Variants in LYSMD2 observed in about 807,000 individuals in gnomAD.
LYSMD2 encodes lysM and putative peptidoglycan-binding domain-containing protein 2.
LYSMD2 carries 6 observed loss-of-function variants against 17.7 expected under a neutral mutation model. The ratio of observed to expected loss-of-function variants is 0.34; its 90% confidence interval spans 0.19 to 0.67. LYSMD2 has a LOEUF of 0.67. LYSMD2 is among the 30% of genes least tolerant of loss of function. The pLI is 0.69. For missense variants in LYSMD2, 237 were observed against 286.7 expected (o/e 0.83, Z 1.25); for synonymous variants, 102 against 129.8 (o/e 0.79, Z 1.45).
chr15:51,737,253 CACCCGCAGTCCCA>C lies in LYSMD2; in HGVS notation c.273+84_273+96del. ...TGCGACTCCCCATCCCCCAAACCCC[CACCCGCAGTCCCA>C]CCCCCACCCCCACCGCACCCCGAGC... On this transcript the variant is annotated intron_variant, in intron 1 of 2. Transcript: ENST00000267838. This position sits in a 1 kb window ranked among gnomAD's most constrained non-coding sequence, Gnocchi z 4.2. The C allele has an allele frequency of 4.7e-5, 14 of 299,286 alleles. No individual in the cohort carries two copies. Among genetic ancestry groups the C allele is most frequent in the Non-Finnish European group, 8.0e-5 (14 of 175,286 alleles). The allele number at this position is 299,286 out of a possible 1,614,324, so 18.5% of individuals were successfully genotyped here. A position where few individuals can be genotyped will look rare whatever the true frequency, so the allele number is the denominator to read the frequency against.
chr15:51,748,713 A>C (rs2055681659), intron 1 of LYSMD2, among the ~76,000 whole-genome samples: 1 of 152,104 alleles, frequency 6.6e-6, no homozygotes, highest in South Asian at 2.1e-4. Flanking sequence ...TCACATGTCC[A>C]CTCCTAAACT....
At chr15:51,746,815 A>G (rs991884609) in intron 1 of LYSMD2, among the ~76,000 whole-genome samples, 6 of 152,072 alleles carry the variant, frequency 3.9e-5, no homozygotes, top group African/African-American at 1.4e-4. Flanking sequence ...TAATCAGTTT[A>G]TCGCTCCAAA....
At chr15:51,724,763 T>C (rs755589031) in intron 2 of LYSMD2, 27 bp downstream of exon 2, 14 of 1,543,862 alleles carry the variant, frequency 9.1e-6, no homozygotes, top group Non-Finnish European at 1.1e-5. Flanking sequence ...TATTTAGACT[T>C]TGACATTTGT....
rs182192794 is a variant in LYSMD2, at chr15:51,728,079, A to C, written c.274-2958T>G. On this transcript the variant is annotated intron_variant, in intron 1 of 2. Coordinates refer to ENST00000267838, the MANE Select transcript of LYSMD2 (RefSeq NM_153374.3). ...GTTTACTTATCAGTAAAGTAAGGATAGTAACAGTTCCTTCCTCTCCATATA... is the reference window on the plus strand; with the variant it reads ...GTTTACTTATCAGTAAAGTAAGGATCGTAACAGTTCCTTCCTCTCCATATA... Among the ~76,000 whole-genome samples, 31 of 152,318 alleles carry C rather than the reference A, an allele frequency of 2.0e-4. No individual in the cohort carries two copies. In the East Asian group the frequency reaches 5.8e-3, roughly 28 times the overall value.
At chr15:51,732,355 C>A (rs559612225) in intron 1 of LYSMD2, among the ~76,000 whole-genome samples, 11 of 152,162 alleles carry the variant, frequency 7.2e-5, no homozygotes, top group Non-Finnish European at 1.6e-4. Context: ...ACAGAAGATA[C>A]AAACATCAAT....
chr15:51,725,175 G>C, intron 1 of LYSMD2, 54 bp from the exon 2 acceptor site: 1 of 1,125,106 alleles, frequency 8.9e-7, no homozygotes, highest in South Asian at 1.5e-5. Context: ...CAAGGAGTAA[G>C]ATTTATTATA....
At chr15:51,736,731 T>C (rs1190831270) in intron 1 of LYSMD2, among the ~76,000 whole-genome samples, 2 of 144,226 alleles carry the variant, frequency 1.4e-5, no homozygotes, top group African/African-American at 2.6e-5. Flanking sequence ...ACTTATAAAT[T>C]TGTAATAAAC....
At chr15:51,731,750 G>A (rs2055578465) in intron 1 of LYSMD2, among the ~76,000 whole-genome samples, 1 of 152,150 alleles carries the variant, frequency 6.6e-6, no homozygotes, top group Non-Finnish European at 1.5e-5. Context: ...GGTTTCTCCA[G>A]GGTTTCTGCA....
At chr15:51,744,804 A>G (rs966039645) in intron 1 of LYSMD2, among the ~76,000 whole-genome samples, 2 of 152,172 alleles carry the variant, frequency 1.3e-5, no homozygotes, top group Non-Finnish European at 2.9e-5. Flanking sequence ...TAGAAAAACA[A>G]TCAAGGAAGT....
At chr15:51,734,405 C>G (rs1006831784) in intron 1 of LYSMD2, among the ~76,000 whole-genome samples, 2 of 152,200 alleles carry the variant, frequency 1.3e-5, no homozygotes, top group African/African-American at 4.8e-5. Flanking sequence ...TGGCTCCCAG[C>G]TTGTTACCCT....
At chr15:51,729,587 T>C (rs991016732) in intron 1 of LYSMD2, among the ~76,000 whole-genome samples, 1 of 152,210 alleles carries the variant, frequency 6.6e-6, no homozygotes, top group Non-Finnish European at 1.5e-5. Context: ...GCCTCCCAAG[T>C]AGCTGGGATT....
At chr15:51,733,499 C>T (rs1283321294) in intron 1 of LYSMD2, among the ~76,000 whole-genome samples, 1 of 151,632 alleles carries the variant, frequency 6.6e-6, no homozygotes, top group African/African-American at 2.4e-5. Flanking sequence ...TGGGGAGGAG[C>T]GCTGGGGGAC....
Position 51,737,647 on chromosome 15 carries a change from G to A in LYSMD2, c.-25C>T, listed in dbSNP as rs1283449314. 1 of 1,203,780 alleles carries A rather than the reference G, an allele frequency of 8.3e-7. No individual in the cohort carries two copies. The highest frequency in any genetic ancestry group is 1.0e-6 in the Non-Finnish European group (1 of 970,046). 74.6% of individuals were successfully genotyped at this position (1,203,780 alleles called of 1,614,324 possible). A position where few individuals can be genotyped will look rare whatever the true frequency, so the allele number is the denominator to read the frequency against. On this transcript the variant is annotated 5_prime_UTR_variant, in exon 1 of 3. Coordinates refer to ENST00000267838, the MANE Select transcript of LYSMD2 (RefSeq NM_153374.3). The surrounding 1 kb of genome is among the most constrained non-coding windows in gnomAD (Gnocchi z 4.2). ...TGGGTCCTGCCGAGGCCGCCGGGTC[G>A]GGGAGCTTGCCAAGGGGGCGGCGCC... is the stretch of plus-strand genomic sequence containing the variant.
Position 51,724,903 on chromosome 15 carries a change from A to T in LYSMD2, c.492T>A (p.Ser164=), listed in dbSNP as rs1298823966. 1 of 1,614,066 alleles carries T rather than the reference A, an allele frequency of 6.2e-7. No individual in the cohort carries two copies. The highest frequency in any genetic ancestry group is 1.1e-5 in the South Asian group (1 of 91,070). Residue 164 remains serine (S), a synonymous_variant, in exon 2 of 3, where the codon TCT becomes TCA. Coordinates refer to ENST00000267838, the MANE Select transcript of LYSMD2 (RefSeq NM_153374.3). The stretch of plus-strand genomic sequence containing the variant: ...CCTCAGGCTGCACAGGCTGAACATC[A>T]GATTCTTGAGGACTGGGAGGAGGGA... The part of the protein sequence containing the change: ...EDLPPPSPQE[S]DVQPVQPEEV...
intron 1 of LYSMD2, among the ~76,000 whole-genome samples, chr15:51,746,217 T>C (rs528575335): frequency 8.5e-5 from 13 of 152,328 alleles, no homozygotes; most frequent in African/African-American, 3.1e-4. Context: ...CATCCACTGA[T>C]GAACAGATAA....
intron 1 of LYSMD2, among the ~76,000 whole-genome samples, chr15:51,751,090 G>A (rs772743610): frequency 6.6e-6 from 1 of 152,174 alleles, no homozygotes; most frequent in African/African-American, 2.4e-5. Flanking sequence ...TAAGTTGTCC[G>A]GTCTCACCTC....
chr15:51,749,441 G>T (rs1328159998), intron 1 of LYSMD2, among the ~76,000 whole-genome samples: 3 of 152,182 alleles, frequency 2.0e-5, no homozygotes, highest in Admixed American at 1.3e-4. Context: ...CTGTAGGATA[G>T]CTCTTGTATC....
intron 1 of LYSMD2, among the ~76,000 whole-genome samples, chr15:51,745,505 C>A (rs2055662794): frequency 2.6e-5 from 4 of 152,116 alleles, no homozygotes; most frequent in Admixed American, 2.6e-4. Context: ...ACCCACAGGA[C>A]CCTCTCAACA....
At chr15:51,724,611 A>AAATTAAGAAAGG (rs1555459007) in intron 2 of LYSMD2, among the ~76,000 whole-genome samples, 179 bp downstream of exon 2, 3 of 147,876 alleles carry the variant, frequency 2.0e-5, no homozygotes, top group East Asian at 2.0e-4. Flanking sequence ...AGAAAGAAAG[A>AAATTAAGAAAGG]AAGAAATTAA....
Sources: gnomAD v4.1 joint callset for allele counts (sites outside exome capture counted in the v4.1 genomes callset) on GRCh38, gnomAD v4.1.1 for gene constraint, Gnocchi (gnomAD v3.1) non-coding constraint, MANE v1.5 for transcripts, NCBI Gene and HGNC (gene_info 2026-07-23, HGNC 2026-07-21) for gene names.